Variants in PVR observed in about 807,000 individuals in gnomAD.
The protein encoded by PVR is PVR cell adhesion molecule.
Under a neutral mutation model 43.3 loss-of-function variants are expected in PVR, and 39 were observed. The ratio of observed to expected loss-of-function variants is 0.90; its 90% CI spans 0.70 to 1.18. PVR has a LOEUF of 1.18. Among genes scored for constraint, PVR ranks in the 50% most tolerant of loss-of-function variants. PVR has a pLI of 0.00. For missense variants in PVR, 480 were observed against 549.7 expected (o/e 0.87, Z 1.27); for synonymous variants, 224 against 233.2 (o/e 0.96, Z 0.36).
At position 44,661,892 on chromosome 19, in the gene PVR, G is replaced by A. The variant is rs926681921; in HGVS notation, c.*81G>A. On this transcript the variant is annotated 3_prime_UTR_variant, in exon 8 of 8. Transcript: ENST00000425690. ...AGAGTTGGACCCGACCCCAATGGATGAAGACCCCCTCCAAAGAGACCAGCC... is the reference window on the plus strand; with the variant it reads ...AGAGTTGGACCCGACCCCAATGGATAAAGACCCCCTCCAAAGAGACCAGCC... The A allele has an allele frequency of 7.6e-6, 10 of 1,312,372 alleles. No homozygotes were observed. In the East Asian group the frequency reaches 2.3e-4, roughly 30 times the overall value. The allele number at this position is 1,312,372 out of a possible 1,614,324, so 81.3% of individuals were successfully genotyped here.
At chr19:44,644,219 A>C in intron 1 of PVR, 44 bp downstream of exon 1, 1 of 1,419,554 alleles carries the variant, frequency 7.0e-7, no homozygotes, top group Non-Finnish European at 9.2e-7. Context: ...TCTGGCTCCC[A>C]GCTCCGCATC....
At chr19:44,645,567 G>A (rs1258912286) in intron 1 of PVR, among the ~76,000 whole-genome samples, 1 of 150,108 alleles carries the variant, frequency 6.7e-6, no homozygotes, top group South Asian at 2.1e-4. Context: ...AGGCTCAAGC[G>A]ATCCTCTCAC....
Position 44,658,783 on chromosome 19 carries a change from A to G in PVR, c.1033A>G (p.Ile345Val), listed in dbSNP as rs150823354. ...SEHSGMSRNA[I>V]IFLVLGILVF... is the part of the protein sequence containing the mutation. The stretch of plus-strand genomic sequence containing the variant: ...GCACTCAGGCATGTCCCGTAACGCC[A>G]TCATCTTCCTGGTTCTGGGAATCCT... The change falls in exon 6 of 8, where the codon ATC (isoleucine) becomes GTC (valine). Residue 345 changes from isoleucine (I) to valine (V), a missense_variant. Coordinates refer to ENST00000425690, the MANE Select transcript of PVR (RefSeq NM_006505.5). 3 of 1,612,410 alleles carry G rather than the reference A, an allele frequency of 1.9e-6. No homozygotes were observed. Among genetic ancestry groups the G allele is most frequent in the African/African-American group, 2.7e-5 (2 of 74,996 alleles).
At chr19:44,648,246 C>G (rs1015596865) in intron 2 of PVR, among the ~76,000 whole-genome samples, 9 of 152,320 alleles carry the variant, frequency 5.9e-5, no homozygotes, top group South Asian at 2.1e-4. Context: ...CGCTTCACCG[C>G]TGGCCCATGT....
Position 44,655,863 on chromosome 19 carries a change from C to CTTTTT in PVR, c.842+1866_842+1870dup, listed in dbSNP as rs11349440. Among the ~76,000 whole-genome samples, 47 of 81,950 alleles carry CTTTTT rather than the reference C, an allele frequency of 5.7e-4. 1 individual carries two copies. Among genetic ancestry groups the CTTTTT allele is most frequent in the African/African-American group, 8.4e-4 (17 of 20,152 alleles). The allele number at this position is 81,950 out of a possible 152,430, so 53.8% of individuals were successfully genotyped here. ...TTTCAGAGCACCCCCAGCTCTCCTG[C>CTTTTT]TTTTTTTTTTTTTTTTTTTTTTTTG... On this transcript the variant is annotated intron_variant, in intron 4 of 7. Transcript: ENST00000425690.
chr19:44,661,574 GC>G (rs1568507509), intron 7 of PVR, among the ~76,000 whole-genome samples, 165 bp from the exon 8 acceptor site: 2 of 152,062 alleles, frequency 1.3e-5, no homozygotes, highest in African/African-American at 2.4e-5. Context: ...CCTGCCCCAC[GC>G]CCCTTCAATT....
chr19:44,645,225 A>AT (rs1254679088), intron 1 of PVR, among the ~76,000 whole-genome samples: 1 of 96,288 alleles, frequency 1.0e-5, no homozygotes, highest in Non-Finnish European at 1.9e-5. Context: ...TATATATATT[A>AT]TTATAATATA....
intron 6 of PVR, among the ~76,000 whole-genome samples, chr19:44,661,008 C>T (rs1973576293): frequency 6.6e-6 from 1 of 152,180 alleles, no homozygotes. Context: ...CACACAGCTC[C>T]TAAAGGACAG....
chr19:44,661,805 A>T lies in PVR; in HGVS notation c.1248A>T (p.Thr416=). The change falls in exon 8 of 8, where the codon ACA becomes ACT. Residue 416 remains threonine, a synonymous_variant. Transcript: ENST00000425690. Reference sequence around the variant, plus strand: ...CCCAGGATCCACAGACAGAGGGCACAAGGTGACAGCGTCGGGACTGAGAGG... The same window carrying T: ...CCCAGGATCCACAGACAGAGGGCACTAGGTGACAGCGTCGGGACTGAGAGG... The part of the protein sequence containing the change: ...SSSQDPQTEG[T]R The T allele has an allele frequency of 6.2e-7, 1 of 1,613,916 alleles. No homozygotes were observed. The highest frequency in any genetic ancestry group is 8.5e-7 in the Non-Finnish European group (1 of 1,179,910).
chr19:44,651,276 G>A (rs147661939), intron 3 of PVR, among the ~76,000 whole-genome samples: 1 of 152,074 alleles, frequency 6.6e-6, no homozygotes, highest in East Asian at 1.9e-4. Context: ...CCAGCTGTGG[G>A]GTGTTTTCAC....
intron 1 of PVR, among the ~76,000 whole-genome samples, chr19:44,645,128 AATATATT>A (rs1973055297): frequency 2.7e-4 from 14 of 51,074 alleles, no homozygotes; most frequent in Non-Finnish European, 3.9e-4. Flanking sequence ...AATATATTAT[AATATATT>A]ATATATATTA....
chr19:44,652,894 A>G (rs1004566966), intron 3 of PVR, among the ~76,000 whole-genome samples: 1 of 152,168 alleles, frequency 6.6e-6, no homozygotes, highest in African/African-American at 2.4e-5. Context: ...TTTTTTTAAA[A>G]TTATTCTTGA....
rs374348763 is a variant in PVR at position 44,653,809 on chromosome 19, C to A, written c.725-91C>A. The A allele has an allele frequency of 8.2e-6, 7 of 849,452 alleles. No individual in the cohort carries two copies. In the East Asian group the frequency reaches 1.7e-4, roughly 21 times the overall value. 52.6% of individuals were successfully genotyped at this position (849,452 alleles called of 1,614,324 possible). On this transcript the variant is annotated intron_variant, in intron 3 of 7. Transcript: ENST00000425690. ...GCTCCCGCTGTTTTCCAAATATCCC[C>A]GGGCCTTTTCCTGCAGTGTCGTGAA...
intron 3 of PVR, among the ~76,000 whole-genome samples, 171 bp downstream of exon 3, chr19:44,650,276 T>G (rs1973244789): frequency 6.6e-6 from 1 of 152,170 alleles, no homozygotes; most frequent in Non-Finnish European, 1.5e-5. Flanking sequence ...CCCTGGGCCG[T>G]AAACAACACT....
chr19:44,647,074 A>AG, intron 1 of PVR, 149 bp from the exon 2 acceptor site: 1 of 24,320 alleles, frequency 4.1e-5, no homozygotes, highest in Non-Finnish European at 7.9e-5. Context: ...CTAGTGCCCC[A>AG]GTTCCCCCTC....
In PVR at chr19:44,663,781, G is replaced by A. The variant is rs973609603; in HGVS notation, c.*1970G>A. On this transcript the variant is annotated 3_prime_UTR_variant, in exon 8 of 8. Coordinates refer to ENST00000425690, the MANE Select transcript of PVR (RefSeq NM_006505.5). ...TCTCCAAAAAAAATGTTTAAGGGAC[G>A]GTGTCTCCTGTCACCCAGGCTGGAG... Among the ~76,000 whole-genome samples the A allele has an allele frequency of 1.1e-4, 16 of 151,900 alleles. No individual in the cohort carries two copies. Among genetic ancestry groups the A allele is most frequent in the African/African-American group, 3.6e-4 (15 of 41,352 alleles).
In PVR at chr19:44,664,226, G is replaced by A. The variant is rs1004674905; in HGVS notation, c.*2415G>A. On this transcript the variant is annotated 3_prime_UTR_variant, in exon 8 of 8. Coordinates refer to ENST00000425690, the MANE Select transcript of PVR (RefSeq NM_006505.5). ...TTTGTTTATTTATTTATTTATTTTA[G>A]AAATAAGAGTCTCACTTTGTTGCCC... 2.0e-5 allele frequency: 3 copies of A among 150,928 alleles called. No homozygotes were observed. The highest frequency in any genetic ancestry group is 7.4e-5 in the African/African-American group (3 of 40,810). 9.3% of individuals were successfully genotyped at this position (150,928 alleles called of 1,614,324 possible). A position where few individuals can be genotyped will look rare whatever the true frequency, so the allele number is the denominator to read the frequency against.
chr19:44,645,417 A>G (rs1199849585), intron 1 of PVR, among the ~76,000 whole-genome samples: 420 of 32,186 alleles, frequency 0.013, 9 homozygotes, highest in African/African-American at 0.033. Context: ...TGTTTTGTGT[A>G]TATATATATA....
chr19:44,654,157 C>A lies in PVR; in HGVS notation c.842+140C>A, dbSNP rs1973367849. 4.6e-5 allele frequency: 28 copies of A among 612,750 alleles called. No homozygotes were observed. The South Asian group carries it at 4.9e-4, about 11-fold the overall frequency. The allele number at this position is 612,750 out of a possible 1,614,324, so 38.0% of individuals were successfully genotyped here. A position where few individuals can be genotyped will look rare whatever the true frequency, so the allele number is the denominator to read the frequency against. On this transcript the variant is annotated intron_variant, in intron 4 of 7. Coordinates refer to ENST00000425690, the MANE Select transcript of PVR (RefSeq NM_006505.5). ...ACCCCTGGGTCTGAGGGACGAGAGG[C>A]TGGGAGCCCGGACTCCTGGGTCTGA...
Sources: gnomAD v4.1 joint callset for allele counts (sites outside exome capture counted in the v4.1 genomes callset) on GRCh38, gnomAD v4.1.1 for gene constraint, MANE v1.5 for transcripts, NCBI Gene and HGNC (gene_info 2026-07-23, HGNC 2026-07-21) for gene names.